ADPGK: variants seen among roughly 807,000 people sequenced by gnomAD.
The protein encoded by ADPGK is ADP dependent glucokinase.
A neutral mutation model predicts 42.4 loss-of-function variants in ADPGK; 26 were observed. The observed-to-expected ratio is 0.61, with a 90% CI of 0.45 to 0.85. The LOEUF is 0.85. ADPGK is among the 40% of genes least tolerant of loss of function. The pLI, the probability that ADPGK is intolerant of heterozygous loss-of-function variation, is 0.00. For synonymous variants in ADPGK, 267 were observed against 252.6 expected (o/e 1.06, Z -0.54); for missense variants, 571 against 627.0 (o/e 0.91, Z 0.95).
intron 3 of ADPGK, among the ~76,000 whole-genome samples, chr15:72,764,629 G>A (rs992480131): frequency 3.9e-5 from 6 of 152,230 alleles, no homozygotes; most frequent in Admixed American, 3.3e-4. Flanking sequence ...GATCACTGAT[G>A]AACATGGCTA....
intron 3 of ADPGK, among the ~76,000 whole-genome samples, chr15:72,764,527 G>A (rs1014720453): frequency 6.6e-6 from 1 of 152,192 alleles, no homozygotes; most frequent in Non-Finnish European, 1.5e-5. Flanking sequence ...GAGGTTTAAG[G>A]AAAGAAGCTG....
intron 1 of ADPGK, among the ~76,000 whole-genome samples, chr15:72,775,705 G>C (rs2066383690): frequency 6.6e-6 from 1 of 152,134 alleles, no homozygotes; most frequent in African/African-American, 2.4e-5. Context: ...CTGAAACCCT[G>C]CCTCTTAGAA....
In ADPGK at chr15:72,758,428, T is replaced by C. The variant is rs958671247; in HGVS notation, c.643+1979A>G. 12 of 441,348 alleles carry C rather than the reference T, an allele frequency of 2.7e-5. No individual in the cohort carries two copies. In the Admixed American group the frequency reaches 4.4e-4, roughly 16 times the overall value. 27.3% of individuals were successfully genotyped at this position (441,348 alleles called of 1,614,324 possible). ...TGGGGAGATCTGGTAAGAGAGAATG[T>C]GGAAAAAAAAATGGACAAATCCCTT... On this transcript the variant is annotated intron_variant, in intron 4 of 6. Transcript: ENST00000456471.
chr15:72,760,252 A>AG, intron 4 of ADPGK, 155 bp downstream of exon 4: 1 of 907,968 alleles, frequency 1.1e-6, no homozygotes, highest in Non-Finnish European at 1.6e-6. Context: ...GGCCAGTATC[A>AG]GCTCAGTAGA....
chr15:72,776,482 G>A (rs1227871794), intron 1 of ADPGK, among the ~76,000 whole-genome samples: 1 of 152,138 alleles, frequency 6.6e-6, no homozygotes, highest in Admixed American at 6.5e-5. Flanking sequence ...TAATAAAAAT[G>A]TCCCAATGGA....
chr15:72,765,124 C>T (rs1036261406), intron 3 of ADPGK, among the ~76,000 whole-genome samples: 1 of 152,064 alleles, frequency 6.6e-6, no homozygotes, highest in Non-Finnish European at 1.5e-5. Context: ...AACATCCATT[C>T]TGCAACCCAT....
chr15:72,774,371 G>C (rs1481210766), intron 2 of ADPGK, among the ~76,000 whole-genome samples: 1 of 152,108 alleles, frequency 6.6e-6, no homozygotes, highest in Non-Finnish European at 1.5e-5. Flanking sequence ...TGTAGGAGCA[G>C]GCATACTGGG....
chr15:72,758,176 C>T (rs929330198), intron 4 of ADPGK: 5 of 1,554,640 alleles, frequency 3.2e-6, no homozygotes, highest in Non-Finnish European at 4.4e-6. Flanking sequence ...CAAACACCTC[C>T]AGCATATTCA....
chr15:72,775,086 C>A lies in ADPGK; in HGVS notation c.245G>T (p.Cys82Phe). Residue 82 changes from cysteine to phenylalanine, a missense_variant, in exon 2 of 7, where the codon TGT (cysteine) becomes TTT (phenylalanine). Transcript: ENST00000456471. ...CACCCCTGAGAGCACCACATCAACA[C>A]ATGCATTGACTCTAGAAGGAGGAAA... The part of the protein sequence containing the change: ...WRRVAVGVNA[C>F]VDVVLSGVKL... 6.2e-7 allele frequency: 1 copy of A among 1,614,062 alleles called. No individual in the cohort carries two copies. Among genetic ancestry groups the A allele is most frequent in the Non-Finnish European group, 8.5e-7 (1 of 1,179,942 alleles).
At position 72,775,249 on chromosome 15, in the gene ADPGK, C is replaced by T. The variant is rs2066377823; in HGVS notation, c.234-152G>A. 17 of 635,278 alleles carry T rather than the reference C, an allele frequency of 2.7e-5. 1 individual carries two copies. In the South Asian group the frequency reaches 3.1e-4, roughly 12 times the overall value. 39.4% of individuals were successfully genotyped at this position (635,278 alleles called of 1,614,324 possible). On this transcript the variant is annotated intron_variant, in intron 1 of 6. Coordinates refer to ENST00000456471, the MANE Select transcript of ADPGK (RefSeq NM_001365225.1). ...GAATTGGGAAGTAAACAGCACATGG[C>T]AGGAGAAAAATTACTTTAACTGGAT... is the stretch of plus-strand genomic sequence containing the variant.
chr15:72,766,171 T>C (rs890588140), intron 3 of ADPGK, among the ~76,000 whole-genome samples: 1 of 152,056 alleles, frequency 6.6e-6, no homozygotes, highest in Admixed American at 6.6e-5. Flanking sequence ...AAAATTTTTT[T>C]TTAGAGATGG....
chr15:72,767,794 G>A (rs1595797628), intron 3 of ADPGK, among the ~76,000 whole-genome samples: 1 of 152,218 alleles, frequency 6.6e-6, no homozygotes, highest in East Asian at 1.9e-4. Flanking sequence ...CAAAATCTTT[G>A]GGATGCAGCT....
chr15:72,768,997 GA>G (rs1291766766), intron 3 of ADPGK, among the ~76,000 whole-genome samples: 1 of 147,436 alleles, frequency 6.8e-6, no homozygotes, highest in South Asian at 2.1e-4. Flanking sequence ...AAAAATTGAA[GA>G]GGGGGAAACA....
At chr15:72,769,741 T>C (rs966571671) in intron 3 of ADPGK, among the ~76,000 whole-genome samples, 1 of 152,250 alleles carries the variant, frequency 6.6e-6, no homozygotes, top group Non-Finnish European at 1.5e-5. Context: ...CAATATAGCA[T>C]GGCTATTAGG....
At chr15:72,778,769 G>A (rs1411339408) in intron 1 of ADPGK, among the ~76,000 whole-genome samples, 2 of 152,058 alleles carry the variant, frequency 1.3e-5, no homozygotes, top group African/African-American at 2.4e-5. Context: ...AGAGCTAATC[G>A]TAATTGTTAA....
Position 72,783,567 on chromosome 15 carries a change from C to CCCAGACACAGCGAGCT in ADPGK, c.109_124dup (p.Gly42GlufsTer48). 1 of 1,510,662 alleles carries CCCAGACACAGCGAGCT rather than the reference C, an allele frequency of 6.6e-7. No homozygotes were observed. The highest frequency in any genetic ancestry group is 8.8e-7 in the Non-Finnish European group (1 of 1,137,560). 93.6% of individuals were successfully genotyped at this position (1,510,662 alleles called of 1,614,324 possible). ...GGGTCCCGGGGGCGCAGGCGCGGGC[C>CCCAGACACAGCGAGCT]CCAGACACAGCGAGCTCCAGAGAGA... On this transcript the variant is annotated frameshift_variant, in exon 1 of 7. Coordinates refer to ENST00000456471, the MANE Select transcript of ADPGK (RefSeq NM_001365225.1). LOFTEE classifies it high-confidence loss of function.
At chr15:72,756,531 C>T (rs2066117294) in intron 4 of ADPGK, 84 bp from the exon 5 acceptor site, 51 of 1,451,624 alleles carry the variant, frequency 3.5e-5, no homozygotes, top group Non-Finnish European at 4.5e-5. Flanking sequence ...AGGCACCTCA[C>T]AGGAGCCTTG....
At position 72,783,456 on chromosome 15, in the gene ADPGK, C is replaced by T. The variant is rs1252245886; in HGVS notation, c.233+3G>A. 1.5e-6 allele frequency: 2 copies of T among 1,370,098 alleles called. No individual in the cohort carries two copies. The highest frequency in any genetic ancestry group is 1.9e-6 in the Non-Finnish European group (2 of 1,067,950). 84.9% of individuals were successfully genotyped at this position (1,370,098 alleles called of 1,614,324 possible). The stretch of plus-strand genomic sequence containing the variant: ...CAGAGACCCAGGCCCCGTTGGCACT[C>T]ACCCCACTGCCACGCGGCGCCAGCG... On this transcript the variant is annotated splice_donor_region_variant and intron_variant, in intron 1 of 6. Transcript: ENST00000456471.
In ADPGK at chr15:72,760,489, C is replaced by T. The variant is rs2066178254; in HGVS notation, c.561G>A (p.Glu187=). ...LCGPVGPKLH[E]LLDDNVFVPP... The stretch of plus-strand genomic sequence containing the variant: ...GAACAAAGACATTGTCATCAAGAAG[C>T]TCATGTAGCTTTGGACCAACTGGAC... Residue 187 remains glutamate, a synonymous_variant, in exon 4 of 7, where the codon GAG becomes GAA. Transcript: ENST00000456471. 2.5e-6 allele frequency: 4 copies of T among 1,609,772 alleles called. No individual in the cohort carries two copies. The highest frequency in any genetic ancestry group is 3.3e-4 in the Middle Eastern group (2 of 6,048).
Sources: gnomAD v4.1 joint callset for allele counts (sites outside exome capture counted in the v4.1 genomes callset) on GRCh38, gnomAD v4.1.1 for gene constraint, MANE v1.5 for transcripts, NCBI Gene and HGNC (gene_info 2026-07-23, HGNC 2026-07-21) for gene names.